Variants in GRIA2 observed in about 807,000 individuals in gnomAD.
GRIA2 encodes glutamate receptor 2.
GRIA2 carries 14 observed loss-of-function variants against 97.3 expected under a neutral mutation model. That is an observed-to-expected ratio of 0.14 (90% CI 0.10 to 0.23). The LOEUF (loss-of-function observed/expected upper bound fraction) is 0.23, where lower values mean the gene tolerates loss of function less well. Ranked by LOEUF, GRIA2 falls within the 10% of genes least tolerant of loss-of-function variation. The pLI is 1.00. For synonymous variants in GRIA2, 412 were observed against 387.8 expected, an observed-to-expected ratio of 1.06 and a Z score of -0.73; for missense variants, 558 against 1,069.8, an observed-to-expected ratio of 0.52 and a Z score of 6.67.
chr4:157,303,260 A>G (rs1733693893), intron 2 of GRIA2, among the ~76,000 whole-genome samples: 1 of 152,076 alleles, frequency 6.6e-6, no homozygotes, highest in Admixed American at 6.6e-5. Context: ...TTACCCATAC[A>G]TTTTTCATAT....
At chr4:157,325,377 T>C (rs1734757830) in intron 6 of GRIA2, among the ~76,000 whole-genome samples, 1 of 152,212 alleles carries the variant, frequency 6.6e-6, no homozygotes. Flanking sequence ...TTTACTAATT[T>C]GCTATTTGGG....
At chr4:157,313,763 G>A (rs1297617897) in intron 4 of GRIA2, among the ~76,000 whole-genome samples, 1 of 151,682 alleles carries the variant, frequency 6.6e-6, no homozygotes, top group Non-Finnish European at 1.5e-5. Flanking sequence ...GTATACATAT[G>A]CATATATGTA....
At chr4:157,359,017 A>G (rs1057220525) in intron 12 of GRIA2, among the ~76,000 whole-genome samples, 3 of 152,282 alleles carry the variant, frequency 2.0e-5, no homozygotes, top group East Asian at 3.9e-4. Context: ...ATCTTCCCAA[A>G]AGGGATTAAA....
In GRIA2 at chr4:157,365,775, C is replaced by A. The variant is rs549151526; in HGVS notation, c.*2344C>A. The A allele has an allele frequency of 6.6e-6, 1 of 151,786 alleles. No individual in the cohort carries two copies. The highest frequency in any genetic ancestry group is 2.4e-5 in the African/African-American group (1 of 41,340). 9.4% of individuals were successfully genotyped at this position (151,786 alleles called of 1,614,324 possible). A position where few individuals can be genotyped will look rare whatever the true frequency, so the allele number is the denominator to read the frequency against. On this transcript the variant is annotated 3_prime_UTR_variant, in exon 16 of 16. Transcript: ENST00000264426. ...TTTTTTTATTCATTTTATATAAAAACTGTTATGGAAAGACCAAAATGTTTA... is the reference window on the plus strand; with the variant it reads ...TTTTTTTATTCATTTTATATAAAAAATGTTATGGAAAGACCAAAATGTTTA...
chr4:157,356,005 A>T (rs1181457469), intron 12 of GRIA2, among the ~76,000 whole-genome samples: 2 of 91,616 alleles, frequency 2.2e-5, no homozygotes, highest in African/African-American at 8.4e-5. Flanking sequence ...ATATTTATAT[A>T]TGTATTTATA....
intron 2 of GRIA2, among the ~76,000 whole-genome samples, chr4:157,293,033 T>A (rs1291025246): frequency 1.3e-5 from 2 of 152,108 alleles, no homozygotes; most frequent in South Asian, 2.1e-4. Flanking sequence ...TTACCTGTGA[T>A]TAGTAAAAAC....
intron 2 of GRIA2, among the ~76,000 whole-genome samples, chr4:157,246,167 A>G (rs1189674791): frequency 6.6e-6 from 1 of 152,102 alleles, no homozygotes; most frequent in Admixed American, 6.6e-5. Flanking sequence ...GATGACATAC[A>G]TTCAATATAC....
chr4:157,356,135 TTATATATTTATATTTATTTATTTA>T (rs967070552), intron 12 of GRIA2, among the ~76,000 whole-genome samples: 2 of 131,504 alleles, frequency 1.5e-5, no homozygotes, highest in Admixed American at 1.8e-4. Flanking sequence ...TTATATATAT[TTATATATTTATATTTATTTATTTA>T]TATATATTTA....
intron 12 of GRIA2, among the ~76,000 whole-genome samples, chr4:157,354,597 T>C (rs957788804): frequency 2.6e-5 from 4 of 152,188 alleles, no homozygotes; most frequent in African/African-American, 7.2e-5. Context: ...ACTGTAGGCA[T>C]CATTTTTCTC....
At chr4:157,264,345 A>G (rs1430897365) in intron 2 of GRIA2, among the ~76,000 whole-genome samples, 3 of 152,032 alleles carry the variant, frequency 2.0e-5, no homozygotes, top group African/African-American at 4.8e-5. Flanking sequence ...GCCTTGTCCA[A>G]CTTCTAGGGG....
At chr4:157,290,627 T>C (rs563239172) in intron 2 of GRIA2, among the ~76,000 whole-genome samples, 198 of 151,966 alleles carry the variant, frequency 1.3e-3, no homozygotes, top group Middle Eastern at 3.4e-3. Flanking sequence ...CTGACTTACT[T>C]TATATTATTC....
intron 2 of GRIA2, among the ~76,000 whole-genome samples, chr4:157,230,466 T>C (rs911568701): frequency 2.0e-5 from 3 of 152,194 alleles, no homozygotes; most frequent in Non-Finnish European, 4.4e-5. Context: ...TTGGCAGGGC[T>C]GTAAGAATTT....
intron 2 of GRIA2, among the ~76,000 whole-genome samples, chr4:157,282,376 G>T (rs1732645909): frequency 6.6e-6 from 1 of 152,002 alleles, no homozygotes. Flanking sequence ...GTAGTAAGAA[G>T]TAGGAGTCTT....
At chr4:157,348,759 A>G (rs1735874846) in intron 12 of GRIA2, among the ~76,000 whole-genome samples, 1 of 152,172 alleles carries the variant, frequency 6.6e-6, no homozygotes, top group Admixed American at 6.6e-5. Context: ...AAAGTCTCAT[A>G]TTAGCATTAA....
chr4:157,239,510 G>A (rs1730406386), intron 2 of GRIA2, among the ~76,000 whole-genome samples: 1 of 151,732 alleles, frequency 6.6e-6, no homozygotes, highest in Admixed American at 6.6e-5. Context: ...TAATTCTGTT[G>A]TTAATTTTAT....
chr4:157,329,387 A>G (rs1055545507), intron 6 of GRIA2, among the ~76,000 whole-genome samples: 1 of 151,942 alleles, frequency 6.6e-6, no homozygotes, highest in Admixed American at 6.6e-5. Flanking sequence ...GAGTACGTAA[A>G]ATGTACCAGG....
chr4:157,303,874 A>C, intron 3 of GRIA2, 83 bp downstream of exon 3: 2 of 1,413,264 alleles, frequency 1.4e-6, no homozygotes, highest in South Asian at 2.4e-5. Context: ...ATAAAGCTAC[A>C]AAGGTGTGAT....
intron 2 of GRIA2, among the ~76,000 whole-genome samples, chr4:157,269,035 C>T (rs1731897769): frequency 6.6e-6 from 1 of 152,050 alleles, no homozygotes; most frequent in African/African-American, 2.4e-5. Context: ...TATACTTACA[C>T]ACACATACAA....
At position 157,220,770 on chromosome 4, in the gene GRIA2, C is replaced by G. The variant is rs1415502917; in HGVS notation, c.-273C>G. On this transcript the variant is annotated 5_prime_UTR_variant, in exon 1 of 16. Transcript: ENST00000264426. ...TGGGAGGGTGCTGAATATTCCGAGA[C>G]ACTGGGACCACAGCGGCAGCTCCGC... The G allele has an allele frequency of 7.7e-6, 4 of 516,994 alleles. No individual in the cohort carries two copies. The highest frequency in any genetic ancestry group is 1.4e-5 in the Non-Finnish European group (4 of 286,424). 32.0% of individuals were successfully genotyped at this position (516,994 alleles called of 1,614,324 possible).
Sources: allele counts gnomAD v4.1 joint callset (sites outside exome capture counted in the v4.1 genomes callset), GRCh38; gene constraint gnomAD v4.1.1; transcripts MANE v1.5; gene names NCBI Gene and HGNC (gene_info 2026-07-23, HGNC 2026-07-21).